Variants in GABRA5 observed in about 807,000 individuals in gnomAD.
GABRA5 encodes gamma-aminobutyric acid type A receptor subunit alpha5, also known as gamma-aminobutyric acid receptor subunit alpha-5.
GABRA5 carries 18 observed loss-of-function variants against 47.3 expected under a neutral mutation model. That is an observed-to-expected ratio of 0.38 (90% CI 0.26 to 0.56). The LOEUF (loss-of-function observed/expected upper bound fraction) is 0.56. Ranked by LOEUF, GABRA5 falls within the 20% of genes least tolerant of loss-of-function variation. The pLI, the probability that GABRA5 is intolerant of heterozygous loss-of-function variation, is 0.71. For missense variants in GABRA5, 365 were observed against 599.3 expected, an observed-to-expected ratio of 0.61 and a Z score of 4.08; for synonymous variants, 237 against 229.3, an observed-to-expected ratio of 1.03 and a Z score of -0.30.
intron 6 of GABRA5, among the ~76,000 whole-genome samples, chr15:26,902,038 T>G (rs570205992): frequency 9.9e-5 from 15 of 152,096 alleles, no homozygotes; most frequent in Non-Finnish European, 1.5e-4. Context: ...CTACACTGTC[T>G]TGATTACTAT....
At chr15:26,896,940 AT>A (rs1893207868) in intron 6 of GABRA5, among the ~76,000 whole-genome samples, 2 of 40,132 alleles carry the variant, frequency 5.0e-5, no homozygotes, top group Admixed American at 4.8e-4. Flanking sequence ...AGAGAAAAAA[AT>A]CTCTACATCT....
At chr15:26,893,392 T>A (rs1401379459) in intron 6 of GABRA5, among the ~76,000 whole-genome samples, 1 of 308 alleles carries the variant, frequency 3.2e-3, no homozygotes, top group Non-Finnish European at 6.8e-3. Flanking sequence ...ATATGGAGTA[T>A]GTGTATGGTG....
chr15:26,944,620 C>T lies in GABRA5; in HGVS notation c.1089+1194C>T, dbSNP rs142272663. Among the ~76,000 whole-genome samples, 132 of 152,266 alleles carry T rather than the reference C, an allele frequency of 8.7e-4. 2 individuals carry two copies. In the East Asian group the frequency reaches 9.3e-3, roughly 11 times the overall value. Reference sequence around the variant, plus strand: ...GGGCTGGGAGCAGGCTGTTCTCAGACGATAGAGGTTCTTGGCCGACACGTT... The same window carrying T: ...GGGCTGGGAGCAGGCTGTTCTCAGATGATAGAGGTTCTTGGCCGACACGTT... On this transcript the variant is annotated intron_variant, in intron 10 of 10. Coordinates refer to ENST00000335625, the MANE Select transcript of GABRA5 (RefSeq NM_000810.4).
intron 8 of GABRA5, chr15:26,939,098 A>G (rs1894319430): frequency 4.4e-6 from 3 of 677,312 alleles, no homozygotes; most frequent in Admixed American, 2.2e-5. Flanking sequence ...AATTCAGCCA[A>G]AGTTTTTTGA....
Position 26,948,035 on chromosome 15 carries a change from G to T in GABRA5, c.1191G>T (p.Thr397=). 1 of 1,606,314 alleles carries T rather than the reference G, an allele frequency of 6.2e-7. No homozygotes were observed. Among genetic ancestry groups the T allele is most frequent in the Non-Finnish European group, 8.5e-7 (1 of 1,176,140 alleles). ...CGAAGGAACAGACCCCAGCAGGGAC[G>T]TCGAATACAACCTCAGTCTCAGTAA... ...NIPKEQTPAG[T]SNTTSVSVKP... is the part of the protein sequence containing the mutation. Residue 397 remains threonine (T), a synonymous_variant, in exon 11 of 11, where the codon ACG becomes ACT. Transcript: ENST00000335625.
chr15:26,903,391 A>G (rs527332107), intron 6 of GABRA5, among the ~76,000 whole-genome samples: 1 of 152,164 alleles, frequency 6.6e-6, no homozygotes, highest in African/African-American at 2.4e-5. Context: ...TTGTCTTTGT[A>G]TTGTGAATTG....
At chr15:26,909,558 T>C (rs147542618) in intron 6 of GABRA5, among the ~76,000 whole-genome samples, 3 of 152,334 alleles carry the variant, frequency 2.0e-5, no homozygotes, top group East Asian at 1.9e-4. Flanking sequence ...GCATTTCTTT[T>C]GGACGCTCTA....
Position 26,889,496 on chromosome 15 carries a change from C to T in GABRA5, c.497+5939C>T, listed in dbSNP as rs191084547. ...AATACACATATTCCTTAAACGGCCA[C>T]TTGAGGGCAGCATTGTCACATTTTT... On this transcript the variant is annotated intron_variant, in intron 6 of 10. Coordinates refer to ENST00000335625, the MANE Select transcript of GABRA5 (RefSeq NM_000810.4). Among the ~76,000 whole-genome samples the T allele has an allele frequency of 1.9e-4, 29 of 152,122 alleles. No homozygotes were observed. In the East Asian group the frequency reaches 5.4e-3, roughly 28 times the overall value.
At chr15:26,910,206 A>T (rs973205946) in intron 6 of GABRA5, among the ~76,000 whole-genome samples, 10 of 152,118 alleles carry the variant, frequency 6.6e-5, no homozygotes, top group African/African-American at 2.4e-4. Context: ...CTCTTCACCC[A>T]TCAGCTGCTC....
chr15:26,914,993 A>G, intron 7 of GABRA5, 108 bp downstream of exon 7: 1 of 862,448 alleles, frequency 1.2e-6, no homozygotes, highest in Non-Finnish European at 1.9e-6. Context: ...AATAGGATGC[A>G]GTCTGTTTAA....
chr15:26,927,558 A>G (rs577769022), intron 7 of GABRA5, among the ~76,000 whole-genome samples: 7 of 152,238 alleles, frequency 4.6e-5, no homozygotes, highest in Admixed American at 3.3e-4. Flanking sequence ...ACCAAGAGCT[A>G]GAAAACTGTA....
At chr15:26,888,000 C>G (rs1892920147) in intron 6 of GABRA5, among the ~76,000 whole-genome samples, 1 of 152,048 alleles carries the variant, frequency 6.6e-6, no homozygotes, top group African/African-American at 2.4e-5. Flanking sequence ...ATGGGAAATC[C>G]CTGCCATGTT....
At position 26,913,937 on chromosome 15, in the gene GABRA5, G is replaced by T. The variant is rs188182478; in HGVS notation, c.498-866G>T. Among the ~76,000 whole-genome samples, 388 of 152,192 alleles carry T rather than the reference G, an allele frequency of 2.5e-3. 1 individual carries two copies. Among genetic ancestry groups the T allele is most frequent in the Non-Finnish European group, 4.4e-3 (299 of 68,018 alleles). On this transcript the variant is annotated intron_variant, in intron 6 of 10. Coordinates refer to ENST00000335625, the MANE Select transcript of GABRA5 (RefSeq NM_000810.4). ...ACCACTGAGCAGCTCTGCATTCTAG[G>T]CCCCGAATTCCTTAATATCCGCACC...
chr15:26,935,851 G>A (rs374547852), intron 7 of GABRA5, among the ~76,000 whole-genome samples: 4 of 152,158 alleles, frequency 2.6e-5, no homozygotes, highest in African/African-American at 7.2e-5. Flanking sequence ...GCTCCTCATC[G>A]GCTGATGAGG....
At chr15:26,940,925 T>C (rs1894369013) in intron 9 of GABRA5, among the ~76,000 whole-genome samples, 1 of 152,228 alleles carries the variant, frequency 6.6e-6, no homozygotes, top group Non-Finnish European at 1.5e-5. Context: ...GTCGTGATCC[T>C]GGATGCTCAC....
At chr15:26,881,302 G>A (rs1892724298) in intron 4 of GABRA5, among the ~76,000 whole-genome samples, 2 of 152,144 alleles carry the variant, frequency 1.3e-5, no homozygotes. Flanking sequence ...CCAGCTTTTA[G>A]GCGTTACTAA....
At chr15:26,913,073 A>G (rs904567812) in intron 6 of GABRA5, among the ~76,000 whole-genome samples, 1 of 148,738 alleles carries the variant, frequency 6.7e-6, no homozygotes, top group African/African-American at 2.5e-5. Context: ...AATCCCAGCT[A>G]CTCAGGAGGC....
At chr15:26,924,537 T>C (rs1306874245) in intron 7 of GABRA5, among the ~76,000 whole-genome samples, 1 of 152,174 alleles carries the variant, frequency 6.6e-6, no homozygotes, top group African/African-American at 2.4e-5. Context: ...TACATGGCTT[T>C]TACTACCATT....
chr15:26,929,057 T>A (rs987997996), intron 7 of GABRA5, among the ~76,000 whole-genome samples: 12 of 86,842 alleles, frequency 1.4e-4, no homozygotes, highest in African/African-American at 4.5e-4. Context: ...ATTTAGTCTA[T>A]CACATTCTTC....
Sources: allele counts gnomAD v4.1 joint callset (sites outside exome capture counted in the v4.1 genomes callset), GRCh38; gene constraint gnomAD v4.1.1; transcripts MANE v1.5; gene names NCBI Gene and HGNC (gene_info 2026-07-23, HGNC 2026-07-21).